TPTE: variants seen among roughly 807,000 people sequenced by gnomAD.
TPTE encodes the protein transmembrane phosphatase with tensin homology, also known as putative tyrosine-protein phosphatase TPTE.
Under a neutral mutation model 84.1 loss-of-function variants are expected in TPTE, and 59 were observed. The ratio of observed to expected loss-of-function variants is 0.70; its 90% CI spans 0.57 to 0.87. The LOEUF (loss-of-function observed/expected upper bound fraction) is 0.87, where lower values mean the gene tolerates loss of function less well. TPTE is among the 40% of genes least tolerant of loss of function. The pLI, the probability that TPTE is intolerant of heterozygous loss-of-function variation, is 0.00. For missense variants in TPTE, 382 were observed against 659.6 expected, an observed-to-expected ratio of 0.58 and a Z score of 4.61; for synonymous variants, 130 against 223.5, an observed-to-expected ratio of 0.58 and a Z score of 3.73.
chr21:10,553,382 A>T (rs566206552), intron 8 of TPTE, among the ~76,000 whole-genome samples: 1 of 152,308 alleles, frequency 6.6e-6, no homozygotes, highest in South Asian at 2.1e-4. Context: ...ACTGCCATAG[A>T]GGAAGTTAAC....
intron 10 of TPTE, among the ~76,000 whole-genome samples, chr21:10,565,824 A>C (rs1420900373): frequency 6.6e-6 from 1 of 152,310 alleles, no homozygotes; most frequent in Non-Finnish European, 1.5e-5. Context: ...ATGCACCTAG[A>C]CCCCTACCTC....
At chr21:10,533,610 C>A (rs1184542787) in intron 3 of TPTE, among the ~76,000 whole-genome samples, 1 of 152,310 alleles carries the variant, frequency 6.6e-6, no homozygotes, top group African/African-American at 2.4e-5. Flanking sequence ...TAATAGCACC[C>A]ACTTTTTCCT....
chr21:10,556,930 A>C (rs1232294731), intron 8 of TPTE, among the ~76,000 whole-genome samples: 1 of 152,296 alleles, frequency 6.6e-6, no homozygotes, highest in African/African-American at 2.4e-5. Context: ...TTCTTTGTAG[A>C]TTCTGGATAT....
chr21:10,558,050 C>G (rs564263237), intron 8 of TPTE, among the ~76,000 whole-genome samples: 1 of 152,306 alleles, frequency 6.6e-6, no homozygotes, highest in Non-Finnish European at 1.5e-5. Context: ...TAAGAGCCTC[C>G]GGCTCCATTG....
At chr21:10,603,724 CTTAAT>C (rs1289555296) in intron 23 of TPTE, 92 bp downstream of exon 23, 1 of 1,491,574 alleles carries the variant, frequency 6.7e-7, no homozygotes, top group African/African-American at 1.4e-5. Flanking sequence ...TTGTCATAAA[CTTAAT>C]TTATAGAAAG....
At chr21:10,554,505 C>A (rs576852055) in intron 8 of TPTE, among the ~76,000 whole-genome samples, 69 of 152,406 alleles carry the variant, frequency 4.5e-4, no homozygotes, top group South Asian at 1.7e-3. Context: ...TGTTCTAATG[C>A]ATGTTCTTTG....
chr21:10,605,002 C>T (rs1979101465), intron 23 of TPTE, among the ~76,000 whole-genome samples: 1 of 152,306 alleles, frequency 6.6e-6, no homozygotes, highest in South Asian at 2.1e-4. Flanking sequence ...GAGTTATATC[C>T]TACTGCTCAA....
chr21:10,528,641 T>C (rs562132584), intron 3 of TPTE, among the ~76,000 whole-genome samples: 322 of 152,290 alleles, frequency 2.1e-3, no homozygotes, highest in African/African-American at 7.3e-3. Context: ...TTATAACTGA[T>C]GCTGTTTGTG....
chr21:10,597,412 CTTTTT>C, intron 20 of TPTE, among the ~76,000 whole-genome samples: 1 of 139,914 alleles, frequency 7.1e-6, no homozygotes, highest in East Asian at 2.1e-4. Flanking sequence ...TTTCTTTTTT[CTTTTT>C]TTTTTTTTTT....
intron 22 of TPTE, chr21:10,602,617 C>G: frequency 1.9e-6 from 1 of 513,450 alleles, no homozygotes. Flanking sequence ...ACCTCAGCCT[C>G]CCGAGTAGCT....
chr21:10,543,117 C>T (rs1462912419), intron 6 of TPTE, among the ~76,000 whole-genome samples: 1 of 130,258 alleles, frequency 7.7e-6, no homozygotes, highest in African/African-American at 3.4e-5. Context: ...GCAAGCTCTG[C>T]TTCCCGGGTT....
At chr21:10,580,528 A>G (rs2075253292) in intron 17 of TPTE, among the ~76,000 whole-genome samples, 2 of 152,310 alleles carry the variant, frequency 1.3e-5, no homozygotes, top group Non-Finnish European at 2.9e-5. Flanking sequence ...ATTTTTGTAT[A>G]TTGGGTGAGA....
At chr21:10,576,838 C>CATATATATATATATATATAT (rs56285862) in intron 14 of TPTE, among the ~76,000 whole-genome samples, 6 of 135,940 alleles carry the variant, frequency 4.4e-5, no homozygotes, top group Admixed American at 7.3e-5. Context: ...TACATATATA[C>CATATATATATATATATATAT]ATATATATAT....
At chr21:10,546,180 C>G (rs2074464356) in intron 7 of TPTE, among the ~76,000 whole-genome samples, 1 of 152,312 alleles carries the variant, frequency 6.6e-6, no homozygotes, top group South Asian at 2.1e-4. Flanking sequence ...ATAATTCTTG[C>G]AGTATTCCAA....
intron 4 of TPTE, among the ~76,000 whole-genome samples, chr21:10,540,199 A>G (rs1188199142): frequency 6.6e-6 from 1 of 152,308 alleles, no homozygotes; most frequent in African/African-American, 2.4e-5. Context: ...GCACCATGTG[A>G]TACCAAGGAA....
chr21:10,583,922 T>C, intron 17 of TPTE, among the ~76,000 whole-genome samples: 1 of 152,426 alleles, frequency 6.6e-6, no homozygotes. Flanking sequence ...TTCTAATATG[T>C]CCTCATCATC....
chr21:10,539,788 G>T (rs1169782854), intron 4 of TPTE, among the ~76,000 whole-genome samples: 1 of 152,306 alleles, frequency 6.6e-6, no homozygotes, highest in African/African-American at 2.4e-5. Flanking sequence ...AGGGCGGGTG[G>T]ATAACGAGAT....
At chr21:10,602,664 A>T in intron 22 of TPTE, 1 of 518,082 alleles carries the variant, frequency 1.9e-6, no homozygotes, top group Non-Finnish European at 3.9e-6. Context: ...GGTTTGGGTG[A>T]CTCAGTTGGG....
At chr21:10,592,985 C>G (rs2075513681) in intron 19 of TPTE, among the ~76,000 whole-genome samples, 1 of 152,294 alleles carries the variant, frequency 6.6e-6, no homozygotes, top group African/African-American at 2.4e-5. Flanking sequence ...TACACTGTTA[C>G]TCTGTTTTTT....
Sources: allele counts gnomAD v4.1 joint callset (sites outside exome capture counted in the v4.1 genomes callset), GRCh38; gene constraint gnomAD v4.1.1; transcripts MANE v1.5; gene names NCBI Gene and HGNC (gene_info 2026-07-23, HGNC 2026-07-21).